PAK1: variants seen among roughly 807,000 people sequenced by gnomAD.
PAK1 encodes p21 (RAC1) activated kinase 1.
PAK1 carries 29 observed loss-of-function variants against 67.4 expected under a neutral mutation model. The observed-to-expected ratio is 0.43, with a 90% CI of 0.32 to 0.59. PAK1 has a LOEUF of 0.59. PAK1 is among the 20% of genes least tolerant of loss of function. The pLI, the probability that PAK1 is intolerant of heterozygous loss-of-function variation, is 0.07. For synonymous variants in PAK1, 223 were observed against 237.4 expected (o/e 0.94, Z 0.56); for missense variants, 337 against 670.7 (o/e 0.50, Z 5.50).
chr11:77,518,596 A>G, the PAK1 span, among the ~76,000 whole-genome samples: 1 of 152,112 alleles, frequency 6.6e-6, no homozygotes, highest in Non-Finnish European at 1.5e-5. Context: ...TCAGGTGTTA[A>G]CAAAAATGAG....
At chr11:77,411,279 A>G (rs1282535227) in intron 1 of PAK1, among the ~76,000 whole-genome samples, 2 of 152,074 alleles carry the variant, frequency 1.3e-5, no homozygotes, top group Non-Finnish European at 2.9e-5. Context: ...TGGAAAAGCC[A>G]GAGTAACAAA....
chr11:77,357,481 T>C (rs553034998), intron 6 of PAK1, among the ~76,000 whole-genome samples: 6 of 152,324 alleles, frequency 3.9e-5, no homozygotes, highest in African/African-American at 1.2e-4. Context: ...TTGTCCTCTT[T>C]TGCCTGTCCT....
chr11:77,338,262 T>TA (rs1374823886), intron 11 of PAK1, among the ~76,000 whole-genome samples: 1 of 152,206 alleles, frequency 6.6e-6, no homozygotes, highest in African/African-American at 2.4e-5. Flanking sequence ...TAGAAACTTC[T>TA]ACCAATTAAA....
intron 1 of PAK1, among the ~76,000 whole-genome samples, chr11:77,420,001 T>C (rs1432369617): frequency 1.3e-5 from 2 of 152,200 alleles, no homozygotes; most frequent in Non-Finnish European, 2.9e-5. Context: ...TAAATCTATT[T>C]AGTGGCAGTC....
chr11:77,398,696 C>A (rs1952177621), intron 1 of PAK1, among the ~76,000 whole-genome samples: 1 of 152,108 alleles, frequency 6.6e-6, no homozygotes. Flanking sequence ...GGGTAGATAC[C>A]CAGCTGTGGG....
chr11:77,410,681 C>T (rs142050265), intron 1 of PAK1, among the ~76,000 whole-genome samples: 525 of 139,576 alleles, frequency 3.8e-3, no homozygotes, highest in African/African-American at 0.014. Context: ...AAGGGGACGG[C>T]GGGAGAAAAG....
At chr11:77,358,088 A>G (rs1946283283) in intron 6 of PAK1, among the ~76,000 whole-genome samples, 1 of 152,148 alleles carries the variant, frequency 6.6e-6, no homozygotes, top group South Asian at 2.1e-4. Flanking sequence ...CAGCATCTCC[A>G]ATAGTCATTC....
At chr11:77,372,133 G>C (rs544304700) in intron 5 of PAK1, among the ~76,000 whole-genome samples, 7 of 152,154 alleles carry the variant, frequency 4.6e-5, no homozygotes, top group Non-Finnish European at 8.8e-5. Context: ...ACCGTGCATC[G>C]CAGGCACTCA....
the PAK1 span, among the ~76,000 whole-genome samples, chr11:77,487,158 C>T: frequency 2.0e-5 from 3 of 151,960 alleles, no homozygotes; most frequent in Non-Finnish European, 4.4e-5. Flanking sequence ...GGACCCCATT[C>T]GAGGCCCTAG....
At chr11:77,392,216 C>T in intron 2 of PAK1, 115 bp downstream of exon 2, 3 of 752,414 alleles carry the variant, frequency 4.0e-6, no homozygotes, top group East Asian at 5.7e-5. Context: ...AATATTTAAC[C>T]AGAAAGAAAA....
intron 5 of PAK1, among the ~76,000 whole-genome samples, chr11:77,364,530 T>C (rs1222737886): frequency 1.3e-5 from 2 of 152,174 alleles, no homozygotes; most frequent in Non-Finnish European, 1.5e-5. Context: ...GATTTATCCC[T>C]AGTAAGATAA....
At chr11:77,327,103 G>A (rs1168324711) in intron 14 of PAK1, among the ~76,000 whole-genome samples, 2 of 152,064 alleles carry the variant, frequency 1.3e-5, no homozygotes, top group Admixed American at 6.6e-5. Context: ...AAAAAGAAAC[G>A]AACAAAGCCT....
intron 2 of PAK1, among the ~76,000 whole-genome samples, chr11:77,382,431 C>T (rs1270847007): frequency 6.6e-6 from 1 of 152,152 alleles, no homozygotes; most frequent in Non-Finnish European, 1.5e-5. Flanking sequence ...TTCTCCTTCT[C>T]CCTATCTCAG....
intron 1 of PAK1, among the ~76,000 whole-genome samples, chr11:77,444,526 T>C (rs1426246568): frequency 2.6e-5 from 4 of 152,110 alleles, no homozygotes; most frequent in Non-Finnish European, 5.9e-5. Context: ...ATCTAACTCT[T>C]TGTAAACTCA....
chr11:77,456,502 T>G (rs953279300), intron 1 of PAK1, among the ~76,000 whole-genome samples: 1 of 152,180 alleles, frequency 6.6e-6, no homozygotes, highest in East Asian at 1.9e-4. Flanking sequence ...AGAAGGTCTT[T>G]GTTTTCACAA....
intron 10 of PAK1, among the ~76,000 whole-genome samples, chr11:77,343,380 G>C (rs1943933007): frequency 6.6e-6 from 1 of 152,100 alleles, no homozygotes; most frequent in African/African-American, 2.4e-5. Flanking sequence ...AGTTTAGAAA[G>C]AGTCCCACTC....
At chr11:77,374,893 C>T (rs1948895882) in intron 4 of PAK1, among the ~76,000 whole-genome samples, 1 of 152,088 alleles carries the variant, frequency 6.6e-6, no homozygotes, top group Non-Finnish European at 1.5e-5. Flanking sequence ...AAAGGATACA[C>T]CTATATGAGC....
chr11:77,434,226 A>T (rs1213070123), intron 1 of PAK1, among the ~76,000 whole-genome samples: 1 of 152,214 alleles, frequency 6.6e-6, no homozygotes, highest in Non-Finnish European at 1.5e-5. Flanking sequence ...CAAAAAATGG[A>T]AACAACCCAA....
the PAK1 span, among the ~76,000 whole-genome samples, chr11:77,503,430 A>G: frequency 6.6e-6 from 1 of 152,250 alleles, no homozygotes; most frequent in African/African-American, 2.4e-5. Flanking sequence ...GTTCAAGTGC[A>G]AGGCAAGACA....
Sources: allele counts gnomAD v4.1 joint callset (sites outside exome capture counted in the v4.1 genomes callset), GRCh38; gene constraint gnomAD v4.1.1; transcripts MANE v1.5; gene names NCBI Gene and HGNC (gene_info 2026-07-23, HGNC 2026-07-21).